Variants in SGCZ observed in about 807,000 individuals in gnomAD.
SGCZ encodes the protein zeta-sarcoglycan.
A neutral mutation model predicts 41.3 loss-of-function variants in SGCZ; 40 were observed. The ratio of observed to expected loss-of-function variants is 0.97; its 90% CI spans 0.75 to 1.26. The LOEUF is 1.26. Among genes scored for constraint, SGCZ ranks in the 50% most tolerant of loss-of-function variants. The pLI, the probability that SGCZ is intolerant of heterozygous loss-of-function variation, is 0.00. For missense variants in SGCZ, 552 were observed against 369.8 expected, an observed-to-expected ratio of 1.49 and a Z score of -4.04; for synonymous variants, 206 against 137.5, an observed-to-expected ratio of 1.50 and a Z score of -3.49.
At chr8:15,025,591 C>T in intron 1 of SGCZ, among the ~76,000 whole-genome samples, 1 of 152,086 alleles carries the variant, frequency 6.6e-6, no homozygotes, top group Non-Finnish European at 1.5e-5. Context: ...GAAGTGTCAC[C>T]AGTGATTTGA....
chr8:14,423,694 G>T (rs189141262), intron 2 of SGCZ, among the ~76,000 whole-genome samples: 1 of 152,140 alleles, frequency 6.6e-6, no homozygotes, highest in Non-Finnish European at 1.5e-5. Flanking sequence ...TATTACAGGC[G>T]TAAGCCACTG....
At chr8:14,912,194 G>C (rs1420839384) in intron 1 of SGCZ, among the ~76,000 whole-genome samples, 1 of 151,916 alleles carries the variant, frequency 6.6e-6, no homozygotes, top group Admixed American at 6.6e-5. Context: ...CATTACCTTT[G>C]GAAGTCCTTC....
chr8:14,499,124 T>C (rs2117047610), intron 2 of SGCZ, among the ~76,000 whole-genome samples: 1 of 152,170 alleles, frequency 6.6e-6, no homozygotes, highest in Non-Finnish European at 1.5e-5. Flanking sequence ...TTTGCTTATA[T>C]TGCTTGATGT....
chr8:14,090,407 A>G lies in SGCZ; in HGVS notation c.*36T>C, dbSNP rs1801650239. The G allele has an allele frequency of 6.3e-7, 1 of 1,593,060 alleles. No individual in the cohort carries two copies. The highest frequency in any genetic ancestry group is 2.2e-5 in the East Asian group (1 of 44,690). ...AACTGTGAAGCAGACGGACAGGAAC[A>G]AAAGGCTATTCTGGTGTGAGGAGAA... On this transcript the variant is annotated 3_prime_UTR_variant, in exon 8 of 8. Transcript: ENST00000382080.
intron 1 of SGCZ, among the ~76,000 whole-genome samples, chr8:15,045,104 T>A (rs1374400608): frequency 6.6e-6 from 1 of 151,654 alleles, no homozygotes; most frequent in Admixed American, 6.6e-5. Flanking sequence ...TATTTATTTA[T>A]ATGGTTAATA....
At chr8:14,718,890 A>T (rs1809786987) in intron 1 of SGCZ, among the ~76,000 whole-genome samples, 1 of 148,866 alleles carries the variant, frequency 6.7e-6, no homozygotes, top group African/African-American at 2.5e-5. Context: ...TTTAGGGCAC[A>T]TGTGCACCAT....
chr8:14,633,871 T>TTGTGC (rs1806739735), intron 1 of SGCZ, among the ~76,000 whole-genome samples: 1 of 151,816 alleles, frequency 6.6e-6, no homozygotes, highest in Non-Finnish European at 1.5e-5. Flanking sequence ...ATGCTGTGTT[T>TTGTGC]TGTGCTGATT....
chr8:14,627,079 T>C (rs551995805), intron 1 of SGCZ, among the ~76,000 whole-genome samples: 51 of 152,340 alleles, frequency 3.3e-4, no homozygotes, highest in African/African-American at 1.2e-3. Context: ...ACAATAATCT[T>C]GTAATGCCAT....
chr8:14,133,313 T>G (rs1186070254), intron 5 of SGCZ, among the ~76,000 whole-genome samples: 4 of 152,232 alleles, frequency 2.6e-5, no homozygotes, highest in African/African-American at 9.6e-5. Context: ...TTTTATATTT[T>G]CCATTTAATC....
intron 4 of SGCZ, among the ~76,000 whole-genome samples, chr8:14,226,273 G>A (rs373882682): frequency 4.7e-4 from 71 of 151,976 alleles, no homozygotes; most frequent in African/African-American, 1.6e-3. Context: ...GTCAATTTTC[G>A]GTGTATACTT....
chr8:14,616,931 C>G (rs1563155897), intron 1 of SGCZ, among the ~76,000 whole-genome samples: 1 of 152,070 alleles, frequency 6.6e-6, no homozygotes, highest in Admixed American at 6.6e-5. Flanking sequence ...AGGTTGTTCT[C>G]TGCTATTTCC....
intron 1 of SGCZ, among the ~76,000 whole-genome samples, chr8:14,971,915 T>C (rs1801311563): frequency 6.6e-6 from 1 of 152,198 alleles, no homozygotes; most frequent in Non-Finnish European, 1.5e-5. Context: ...CCCATGATTT[T>C]ATATACTTTT....
chr8:14,167,826 A>T (rs1000942882), intron 4 of SGCZ, among the ~76,000 whole-genome samples: 16 of 152,170 alleles, frequency 1.1e-4, no homozygotes, highest in Non-Finnish European at 1.8e-4. Context: ...CAACAGCCAA[A>T]GTCATCTTTG....
intron 2 of SGCZ, among the ~76,000 whole-genome samples, chr8:14,545,762 C>T (rs997277985): frequency 5.9e-5 from 9 of 152,274 alleles, no homozygotes; most frequent in African/African-American, 2.2e-4. Flanking sequence ...TATATCAAAC[C>T]TATCAACTAA....
At chr8:14,112,221 C>T (rs73217929) in intron 5 of SGCZ, among the ~76,000 whole-genome samples, 16,164 of 147,168 alleles carry the variant, frequency 0.11, 983 homozygotes, top group African/African-American at 0.16. Context: ...AGAACTTTTG[C>T]TGGCCTTTAT....
chr8:14,564,078 A>G (rs4831606), intron 1 of SGCZ, among the ~76,000 whole-genome samples: 35,978 of 152,110 alleles, frequency 0.24, 5,339 homozygotes, highest in Non-Finnish European at 0.33. Context: ...GTTATGGGAA[A>G]TATGAATATA....
chr8:14,667,355 C>A (rs554759378), intron 1 of SGCZ, among the ~76,000 whole-genome samples: 3 of 152,238 alleles, frequency 2.0e-5, no homozygotes, highest in African/African-American at 7.2e-5. Flanking sequence ...TCATAACACA[C>A]TTTTCAAAGC....
intron 1 of SGCZ, among the ~76,000 whole-genome samples, chr8:14,996,408 G>C (rs1368317374): frequency 6.6e-6 from 1 of 152,086 alleles, no homozygotes; most frequent in Admixed American, 6.6e-5. Flanking sequence ...TTTTGTTTTT[G>C]TTTTGTTTTG....
At chr8:14,228,243 G>A (rs1024971313) in intron 4 of SGCZ, among the ~76,000 whole-genome samples, 1 of 151,954 alleles carries the variant, frequency 6.6e-6, no homozygotes, top group African/African-American at 2.4e-5. Flanking sequence ...CTGCAATTCC[G>A]ACGTCCCACA....
Sources: allele counts gnomAD v4.1 joint callset (sites outside exome capture counted in the v4.1 genomes callset), GRCh38; gene constraint gnomAD v4.1.1; transcripts MANE v1.5; gene names NCBI Gene and HGNC (gene_info 2026-07-23, HGNC 2026-07-21).